DDC: variants seen among roughly 807,000 people sequenced by gnomAD.
The protein encoded by DDC is dopa decarboxylase.
A neutral mutation model predicts 60.0 loss-of-function variants in DDC; 43 were observed. The ratio of observed to expected loss-of-function variants is 0.72; its 90% CI spans 0.56 to 0.92. The LOEUF is 0.92. Among genes scored for constraint, DDC ranks in the 40% least tolerant of loss-of-function variants. DDC has a pLI of 0.00. For synonymous variants in DDC, 232 were observed against 234.6 expected (o/e 0.99, Z 0.10); for missense variants, 573 against 620.2 (o/e 0.92, Z 0.81).
chr7:50,496,241 A>G (rs908190209), intron 8 of DDC, among the ~76,000 whole-genome samples: 3 of 152,032 alleles, frequency 2.0e-5, no homozygotes, highest in Non-Finnish European at 2.9e-5. Flanking sequence ...GTGCCACCAC[A>G]CACAGCTAAT....
At chr7:50,562,779 G>A (rs2045369522) in intron 1 of DDC, among the ~76,000 whole-genome samples, 1 of 152,212 alleles carries the variant, frequency 6.6e-6, no homozygotes, top group Non-Finnish European at 1.5e-5. Flanking sequence ...CAGGTATGAG[G>A]AGGTGCTGAT....
chr7:50,558,333 A>C (rs1171511068), intron 1 of DDC, among the ~76,000 whole-genome samples: 2 of 151,862 alleles, frequency 1.3e-5, no homozygotes, highest in South Asian at 2.1e-4. Flanking sequence ...GCTTTGGTAC[A>C]CTCTTTGGGG....
chr7:50,483,477 G>C (rs1247071246), intron 9 of DDC, among the ~76,000 whole-genome samples: 2 of 152,124 alleles, frequency 1.3e-5, no homozygotes, highest in Non-Finnish European at 2.9e-5. Context: ...TTCTCATCTG[G>C]TTTTAGAATC....
At chr7:50,545,758 C>A (rs2044785596) in intron 1 of DDC, among the ~76,000 whole-genome samples, 1 of 152,220 alleles carries the variant, frequency 6.6e-6, no homozygotes. Context: ...CAGGCATGAG[C>A]CACCGCTCCC....
At chr7:50,466,701 T>C (rs2042406682) in intron 13 of DDC, among the ~76,000 whole-genome samples, 1 of 152,092 alleles carries the variant, frequency 6.6e-6, no homozygotes, top group African/African-American at 2.4e-5. Flanking sequence ...ATGCACAGCA[T>C]CAGGCAGCAA....
At chr7:50,519,463 T>C (rs557318177) in intron 6 of DDC, among the ~76,000 whole-genome samples, 1 of 152,328 alleles carries the variant, frequency 6.6e-6, no homozygotes, top group African/African-American at 2.4e-5. Flanking sequence ...GCAGCACAAT[T>C]CACAATTGCA....
At chr7:50,532,135 T>C (rs999185174) in intron 4 of DDC, among the ~76,000 whole-genome samples, 1 of 152,210 alleles carries the variant, frequency 6.6e-6, no homozygotes, top group African/African-American at 2.4e-5. Flanking sequence ...GGATCAATAA[T>C]GCAGGCTGGC....
At chr7:50,558,803 C>T (rs547997520) in intron 1 of DDC, among the ~76,000 whole-genome samples, 1 of 152,342 alleles carries the variant, frequency 6.6e-6, no homozygotes, top group South Asian at 2.1e-4. Context: ...GGACTCTAAA[C>T]AGGGCTCTCA....
chr7:50,520,025 A>C (rs377170691), intron 6 of DDC, among the ~76,000 whole-genome samples: 1 of 152,220 alleles, frequency 6.6e-6, no homozygotes, highest in Non-Finnish European at 1.5e-5. Flanking sequence ...CACAGTTACT[A>C]TATTATTAGT....
intron 11 of DDC, among the ~76,000 whole-genome samples, chr7:50,471,121 G>A (rs916412608): frequency 1.3e-5 from 2 of 152,222 alleles, no homozygotes; most frequent in African/African-American, 2.4e-5. Context: ...GCCGGATGCG[G>A]TGGCTCACGC....
intron 8 of DDC, 114 bp downstream of exon 8, chr7:50,499,034 T>C (rs1315429606): frequency 1.2e-5 from 10 of 854,484 alleles, no homozygotes; most frequent in African/African-American, 6.6e-5. Flanking sequence ...TCAAACATAA[T>C]TGGCTGAAAC....
intron 11 of DDC, among the ~76,000 whole-genome samples, chr7:50,475,494 C>G (rs929235654): frequency 1.3e-5 from 2 of 152,166 alleles, no homozygotes; most frequent in African/African-American, 2.4e-5. Flanking sequence ...TTTACTGCTG[C>G]CCCCCTGCCT....
At chr7:50,506,150 G>C (rs12718574) in intron 6 of DDC, among the ~76,000 whole-genome samples, 58,241 of 151,970 alleles carry the variant, frequency 0.38, 11,378 homozygotes, top group Non-Finnish European at 0.43. Context: ...GTCTGCTCCA[G>C]GTCACATTTG....
chr7:50,518,280 T>C (rs971407079), intron 6 of DDC, among the ~76,000 whole-genome samples: 3 of 149,854 alleles, frequency 2.0e-5, no homozygotes, highest in South Asian at 4.2e-4. Flanking sequence ...CATTAATGGG[T>C]AGAATCAATA....
intron 1 of DDC, among the ~76,000 whole-genome samples, chr7:50,547,856 A>G (rs1277340844): frequency 6.6e-6 from 1 of 152,238 alleles, no homozygotes; most frequent in African/African-American, 2.4e-5. Context: ...TAGTATAGGT[A>G]CACCCCGTTT....
chr7:50,532,786 T>C (rs987721438), intron 4 of DDC, among the ~76,000 whole-genome samples: 3 of 152,214 alleles, frequency 2.0e-5, no homozygotes, highest in Admixed American at 6.5e-5. Flanking sequence ...AATCATCTGC[T>C]GAAAAAATTG....
Position 50,528,152 on chromosome 7 carries a change from G to T in DDC, c.699C>A (p.Gly233=), listed in dbSNP as rs1177869351. ...CCGAACTTACAAAGAAAGGAATCAG[G>T]CCAGCCGCTTTGTCTCTCTCCAGGG... ...QEALERDKAA[G]LIPFFMVATL... Residue 233 remains glycine, a synonymous_variant, in exon 6 of 15, where the codon GGC becomes GGA. Transcript: ENST00000444124. 3.1e-6 allele frequency: 5 copies of T among 1,612,966 alleles called. No individual in the cohort carries two copies. In the Admixed American group the frequency reaches 8.3e-5, roughly 27 times the overall value.
intron 6 of DDC, among the ~76,000 whole-genome samples, chr7:50,517,978 G>A (rs1379988147): frequency 2.0e-5 from 3 of 152,036 alleles, no homozygotes; most frequent in Admixed American, 2.0e-4. Flanking sequence ...GGGAGGCTGA[G>A]ATGGGCGGAT....
chr7:50,486,428 G>A (rs907239909), intron 9 of DDC, among the ~76,000 whole-genome samples: 4 of 152,186 alleles, frequency 2.6e-5, no homozygotes, highest in Admixed American at 6.5e-5. Context: ...TGGGTATAGT[G>A]AGATCAAATG....
Sources: allele counts gnomAD v4.1 joint callset (sites outside exome capture counted in the v4.1 genomes callset), GRCh38; gene constraint gnomAD v4.1.1; transcripts MANE v1.5; gene names NCBI Gene and HGNC (gene_info 2026-07-23, HGNC 2026-07-21).